Variants in RNASEH2B observed in about 807,000 individuals in gnomAD.
The protein encoded by RNASEH2B is ribonuclease H2 subunit B, also known as Aicardi-Goutieres syndrome 2 protein.
A neutral mutation model predicts 45.0 loss-of-function variants in RNASEH2B; 36 were observed. The observed-to-expected ratio is 0.80, with a 90% confidence interval of 0.61 to 1.06. The LOEUF (loss-of-function observed/expected upper bound fraction) is 1.06. RNASEH2B is among the 50% of genes least tolerant of loss of function. RNASEH2B has a pLI of 0.00. For synonymous variants in RNASEH2B, 119 were observed against 125.7 expected, an observed-to-expected ratio of 0.95 and a Z score of 0.35; for missense variants, 361 against 360.3, an observed-to-expected ratio of 1.00 and a Z score of -0.02.
At position 50,944,989 on chromosome 13, in the gene RNASEH2B, G is replaced by T. The variant is rs140824684; in HGVS notation, c.511-438G>T. On this transcript the variant is annotated intron_variant, in intron 6 of 10. Coordinates refer to ENST00000336617, the MANE Select transcript of RNASEH2B (RefSeq NM_024570.4). ...GGAAGTTATTACATATAAATTTTGT[G>T]CCAGGTTCTATTGTAAGGGCTTTAT... 3.7e-4 allele frequency among the ~76,000 whole-genome samples: 57 copies of T among 152,242 alleles called. 1 individual carries two copies. The East Asian group carries it at 9.2e-3, about 25-fold the overall frequency.
intron 1 of RNASEH2B, among the ~76,000 whole-genome samples, chr13:50,914,985 G>T (rs9526706): frequency 0.12 from 17,510 of 152,140 alleles, 1,168 homozygotes; most frequent in African/African-American, 0.18. Flanking sequence ...CTATTTATTA[G>T]CTCTGTGTCA....
At chr13:50,948,198 C>A in intron 8 of RNASEH2B, 130 bp downstream of exon 8, 2 of 1,437,038 alleles carry the variant, frequency 1.4e-6, no homozygotes, top group Non-Finnish European at 9.3e-7. Flanking sequence ...ATGTCATATA[C>A]TTTGTGCTTT....
At chr13:50,947,891 T>G in intron 7 of RNASEH2B, 96 bp from the exon 8 acceptor site, 1 of 1,582,828 alleles carries the variant, frequency 6.3e-7, no homozygotes, top group Non-Finnish European at 8.6e-7. Context: ...TTTATCCAGA[T>G]AGGGTCAGAA....
intron 8 of RNASEH2B, chr13:50,948,469 C>A: frequency 5.9e-6 from 1 of 168,574 alleles, no homozygotes; most frequent in Non-Finnish European, 1.3e-5. Context: ...ACTATTATCA[C>A]TAGATGTTCA....
chr13:50,926,580 C>T (rs1012552637), intron 1 of RNASEH2B, among the ~76,000 whole-genome samples: 10 of 152,004 alleles, frequency 6.6e-5, no homozygotes, highest in Admixed American at 3.9e-4. Context: ...ATTGGATTTC[C>T]TCTTAATATC....
chr13:50,919,292 T>G (rs1951486809), intron 1 of RNASEH2B, among the ~76,000 whole-genome samples: 1 of 152,252 alleles, frequency 6.6e-6, no homozygotes, highest in Non-Finnish European at 1.5e-5. Context: ...CCATTTTGGC[T>G]TGTACAATAC....
chr13:50,933,157 T>G (rs1487699968), intron 4 of RNASEH2B, among the ~76,000 whole-genome samples: 2 of 152,190 alleles, frequency 1.3e-5, no homozygotes, highest in Non-Finnish European at 2.9e-5. Flanking sequence ...TATGTGGTGT[T>G]TTCTAGGATA....
chr13:50,944,144 GT>G (rs1482490285), intron 6 of RNASEH2B, among the ~76,000 whole-genome samples: 1 of 151,794 alleles, frequency 6.6e-6, no homozygotes, highest in African/African-American at 2.4e-5. Context: ...ATTTATATGT[GT>G]TTAAGTATTG....
At position 50,910,062 on chromosome 13, in the gene RNASEH2B, G is replaced by A; in HGVS notation, c.-15G>A. ...GCGGCGCTGAGCCTGCGGCGCCCCG[G>A]AAGAGGCGGGCGGCATGGCCGCTGG... On this transcript the variant is annotated 5_prime_UTR_variant, in exon 1 of 11. Transcript: ENST00000336617. 2 of 1,462,074 alleles carry A rather than the reference G, an allele frequency of 1.4e-6. No homozygotes were observed. Among genetic ancestry groups the A allele is most frequent in the Non-Finnish European group, 1.8e-6 (2 of 1,111,942 alleles). The allele number at this position is 1,462,074 out of a possible 1,614,324, so 90.6% of individuals were successfully genotyped here.
At chr13:50,945,616 T>G in intron 7 of RNASEH2B, 84 bp downstream of exon 7, 1 of 893,552 alleles carries the variant, frequency 1.1e-6, no homozygotes, top group Non-Finnish European at 1.9e-6. Flanking sequence ...TTTAAAAATC[T>G]TAATATCACA....
chr13:50,928,661 A>G (rs1951633512), intron 2 of RNASEH2B, among the ~76,000 whole-genome samples: 1 of 152,210 alleles, frequency 6.6e-6, no homozygotes, highest in Admixed American at 6.5e-5. Flanking sequence ...GTATTGGTTT[A>G]GGAAATTTAC....
intron 6 of RNASEH2B, among the ~76,000 whole-genome samples, chr13:50,945,024 T>C (rs959081882): frequency 6.6e-6 from 1 of 152,224 alleles, no homozygotes; most frequent in African/African-American, 2.4e-5. Flanking sequence ...TTTACATATA[T>C]TACCTCATTT....
chr13:50,970,182 T>C (rs1480628196), exon 10 of RNASEH2B: 1 of 612,836 alleles, frequency 1.6e-6, no homozygotes, highest in Non-Finnish European at 2.9e-6. Context: ...GGCGGTTCCG[T>C]CCAGGAGCTT....
At chr13:50,921,190 A>G (rs930107482) in intron 1 of RNASEH2B, 14 of 152,218 alleles carry the variant, frequency 9.2e-5, no homozygotes, top group Non-Finnish European at 1.8e-4. Flanking sequence ...GACACAATGA[A>G]CCACAGAGAG....
At chr13:50,958,983 A>G (rs572556333), downstream of RNASEH2B, among the ~76,000 whole-genome samples, 27 of 152,330 alleles carry the variant, frequency 1.8e-4, no homozygotes, top group Non-Finnish European at 2.5e-4. Context: ...TCTAACAAAC[A>G]GTGGGTGTGA....
chr13:50,942,169 A>G lies in RNASEH2B; in HGVS notation c.437-1152A>G, dbSNP rs7316955. ...TCCTGCATGGACAGAGGAGGCTGGA[A>G]TAGAAGTGCTGCCCTTGCTAATTGC... On this transcript the variant is annotated intron_variant, in intron 5 of 10. Transcript: ENST00000336617. 0.64 allele frequency: 97,268 copies of G among 152,122 alleles called. 31,546 individuals are homozygous for G. The highest frequency in any genetic ancestry group is 0.72 in the African/African-American group (29,752 of 41,486). 9.4% of individuals were successfully genotyped at this position (152,122 alleles called of 1,614,324 possible). A position where few individuals can be genotyped will look rare whatever the true frequency, so the allele number is the denominator to read the frequency against.
At chr13:50,934,835 A>G in intron 4 of RNASEH2B, 50 bp from the exon 5 acceptor site, 3 of 1,267,216 alleles carry the variant, frequency 2.4e-6, no homozygotes, top group South Asian at 2.5e-5. Flanking sequence ...TTTTTTTCTG[A>G]ATGTCTTTGT....
Position 50,912,151 on chromosome 13 carries a change from C to CT in RNASEH2B, c.64+2013dup, listed in dbSNP as rs940283629. ...CTGTGTGGTCAGGGGGGCAGGAACT[C>CT]TTAACAGTTAAAAACTTGAGCTACC... On this transcript the variant is annotated intron_variant, in intron 1 of 10. Transcript: ENST00000336617. The CT allele has an allele frequency of 7.2e-5, 11 of 152,382 alleles. No homozygotes were observed. The East Asian group carries it at 7.7e-4, about 11-fold the overall frequency. The allele number at this position is 152,382 out of a possible 1,614,324, so 9.4% of individuals were successfully genotyped here. A position where few individuals can be genotyped will look rare whatever the true frequency, so the allele number is the denominator to read the frequency against.
intron 5 of RNASEH2B, among the ~76,000 whole-genome samples, chr13:50,940,229 A>T (rs781271014): frequency 6.6e-6 from 1 of 152,202 alleles, no homozygotes; most frequent in East Asian, 1.9e-4. Context: ...ATAATGATGG[A>T]TGAGTGGTGA....
Sources: allele counts gnomAD v4.1 joint callset (sites outside exome capture counted in the v4.1 genomes callset), GRCh38; gene constraint gnomAD v4.1.1; transcripts MANE v1.5; gene names NCBI Gene and HGNC (gene_info 2026-07-23, HGNC 2026-07-21).